Variants in GRM7 observed in about 807,000 individuals in gnomAD.
GRM7 encodes the protein glutamate metabotropic receptor 7.
A neutral mutation model predicts 84.5 loss-of-function variants in GRM7; 35 were observed. That is an observed-to-expected ratio of 0.41 (90% CI 0.32 to 0.55). The LOEUF (loss-of-function observed/expected upper bound fraction) is 0.55, where lower values mean the gene tolerates loss of function less well. Ranked by LOEUF, GRM7 falls within the 20% of genes least tolerant of loss-of-function variation. The pLI, the probability that GRM7 is intolerant of heterozygous loss-of-function variation, is 0.19. For missense variants in GRM7, 1,003 were observed against 1,194.6 expected (o/e 0.84, Z 2.36); for synonymous variants, 487 against 455.1 (o/e 1.07, Z -0.89).
At chr3:7,648,886 C>T (rs79084022) in intron 8 of GRM7, among the ~76,000 whole-genome samples, 1,784 of 152,096 alleles carry the variant, frequency 0.012, 23 homozygotes, top group Middle Eastern at 0.037. Context: ...TAGTCAAGTA[C>T]GGCTTGCTAA....
At chr3:7,587,097 C>T (rs374030251) in intron 8 of GRM7, among the ~76,000 whole-genome samples, 12 of 152,168 alleles carry the variant, frequency 7.9e-5, no homozygotes, top group African/African-American at 2.9e-4. Context: ...CAAAATTGAT[C>T]AATTTGCATA....
At chr3:6,914,374 G>A (rs1384724329) in intron 1 of GRM7, among the ~76,000 whole-genome samples, 1 of 151,924 alleles carries the variant, frequency 6.6e-6, no homozygotes, top group Non-Finnish European at 1.5e-5. Flanking sequence ...CATTGTTTTA[G>A]CTATTTTCAC....
At chr3:6,959,136 A>G (rs1178674773) in intron 1 of GRM7, among the ~76,000 whole-genome samples, 1 of 152,202 alleles carries the variant, frequency 6.6e-6, no homozygotes, top group Non-Finnish European at 1.5e-5. Flanking sequence ...AGCTCTCTCT[A>G]CACATGATCT....
chr3:7,108,556 G>A (rs1169061613), intron 1 of GRM7, among the ~76,000 whole-genome samples: 1 of 144,868 alleles, frequency 6.9e-6, no homozygotes, highest in Non-Finnish European at 1.5e-5. Context: ...CTGCTGCTCT[G>A]TCATCGTACA....
At chr3:7,324,096 A>G (rs1297218380) in intron 4 of GRM7, among the ~76,000 whole-genome samples, 4 of 152,176 alleles carry the variant, frequency 2.6e-5, no homozygotes, top group Admixed American at 2.0e-4. Flanking sequence ...GTGTGAATCC[A>G]TGAACCACCT....
intron 6 of GRM7, among the ~76,000 whole-genome samples, chr3:7,460,735 T>C (rs375015327): frequency 8.7e-4 from 133 of 152,348 alleles, no homozygotes; most frequent in African/African-American, 3.0e-3. Context: ...CAAAAACTCA[T>C]GTCTTGCATT....
chr3:7,139,116 T>A (rs1465039138), intron 1 of GRM7, among the ~76,000 whole-genome samples: 1 of 147,788 alleles, frequency 6.8e-6, no homozygotes, highest in East Asian at 1.9e-4. Flanking sequence ...TAATATACTA[T>A]ATATTATACT....
chr3:7,296,075 A>G (rs1266281801), intron 2 of GRM7, among the ~76,000 whole-genome samples: 2 of 151,908 alleles, frequency 1.3e-5, no homozygotes, highest in East Asian at 3.9e-4. Context: ...AGAGTTTAGT[A>G]TTGTTATCAT....
chr3:6,873,136 A>G (rs1450136719), intron 1 of GRM7, among the ~76,000 whole-genome samples: 1 of 152,040 alleles, frequency 6.6e-6, no homozygotes, highest in Non-Finnish European at 1.5e-5. Context: ...CAGTGGCGCG[A>G]TCTCGGCTCA....
At chr3:7,441,994 CT>C (rs530550323) in intron 5 of GRM7, among the ~76,000 whole-genome samples, 74 of 148,582 alleles carry the variant, frequency 5.0e-4, no homozygotes, top group African/African-American at 1.7e-3. Context: ...TTTAGAATAG[CT>C]TTTTTTTTTC....
At chr3:7,396,582 G>A (rs1211677708) in intron 4 of GRM7, among the ~76,000 whole-genome samples, 2 of 152,036 alleles carry the variant, frequency 1.3e-5, no homozygotes, top group Non-Finnish European at 2.9e-5. Flanking sequence ...TTTGGGATGT[G>A]CATGAATAGT....
chr3:6,908,918 G>A (rs912960046), intron 1 of GRM7, among the ~76,000 whole-genome samples: 1 of 152,052 alleles, frequency 6.6e-6, no homozygotes, highest in Admixed American at 6.6e-5. Context: ...AGTCAAGAAT[G>A]CCCTTTTGCA....
At chr3:6,978,126 C>G (rs1694067855) in intron 1 of GRM7, among the ~76,000 whole-genome samples, 1 of 152,060 alleles carries the variant, frequency 6.6e-6, no homozygotes, top group Non-Finnish European at 1.5e-5. Context: ...TGGATGGACT[C>G]TAAATCCAAT....
intron 1 of GRM7, among the ~76,000 whole-genome samples, chr3:7,122,920 C>T (rs2125045375): frequency 9.2e-6 from 1 of 109,118 alleles, no homozygotes; most frequent in South Asian, 2.8e-4. Context: ...CCTTGAATAT[C>T]AGGGTGGGAA....
chr3:7,025,216 ATCTCAAGGTGAGCTAAGTAGCAATCTT>A (rs1695937267), intron 1 of GRM7, among the ~76,000 whole-genome samples: 3 of 152,142 alleles, frequency 2.0e-5, no homozygotes, highest in African/African-American at 7.2e-5. Flanking sequence ...TAATCTCTCC[ATCTCAAGGTGAGCTAAGTAGCAATCTT>A]AACTCCACCT....
chr3:7,471,807 C>T (rs949377758), intron 7 of GRM7, among the ~76,000 whole-genome samples: 1 of 152,120 alleles, frequency 6.6e-6, no homozygotes, highest in African/African-American at 2.4e-5. Context: ...TACCATAGTT[C>T]TTTACTGTAT....
At chr3:7,379,443 A>T (rs1489838400) in intron 4 of GRM7, among the ~76,000 whole-genome samples, 1 of 152,180 alleles carries the variant, frequency 6.6e-6, no homozygotes. Flanking sequence ...AAGATCAGAG[A>T]TGTTTAATGA....
intron 4 of GRM7, among the ~76,000 whole-genome samples, chr3:7,374,647 T>C (rs1694271121): frequency 1.1e-5 from 1 of 93,380 alleles, no homozygotes. Context: ...CCTGGCCATT[T>C]TTTTTTTTTT....
rs1354394135 is a variant in GRM7, at chr3:7,103,756, T to TTCTTTCTTTC, written c.520-42694_520-42685dup. 5.9e-3 allele frequency among the ~76,000 whole-genome samples: 191 copies of TTCTTTCTTTC among 32,428 alleles called. 12 individuals carry two copies. The highest frequency in any genetic ancestry group is 0.036 in the East Asian group (50 of 1,386). 21.3% of individuals were successfully genotyped at this position (32,428 alleles called of 152,430 possible). On this transcript the variant is annotated intron_variant, in intron 1 of 9. Coordinates refer to ENST00000357716, the MANE Select transcript of GRM7 (RefSeq NM_000844.4). ...TTTCTCTTTCTCTCTCTCCCTTTCT[T>TTCTTTCTTTC]TCTTTCTTTCTTTCTTTCTTTCTTT...
Sources: allele counts gnomAD v4.1 joint callset (sites outside exome capture counted in the v4.1 genomes callset), GRCh38; gene constraint gnomAD v4.1.1; transcripts MANE v1.5; gene names NCBI Gene and HGNC (gene_info 2026-07-23, HGNC 2026-07-21).